Variants in BACE2 observed in about 807,000 individuals in gnomAD.
The protein encoded by BACE2 is beta-secretase 2.
Under a neutral mutation model 46.2 loss-of-function variants are expected in BACE2, and 17 were observed. The observed-to-expected ratio is 0.37, with a 90% confidence interval of 0.25 to 0.55. The LOEUF (loss-of-function observed/expected upper bound fraction) is 0.55. Ranked by LOEUF, BACE2 falls within the 20% of genes least tolerant of loss-of-function variation. The pLI is 0.82. For missense variants in BACE2, 595 were observed against 698.1 expected, an observed-to-expected ratio of 0.85 and a Z score of 1.66; for synonymous variants, 277 against 295.9, an observed-to-expected ratio of 0.94 and a Z score of 0.66.
At chr21:41,204,193 T>C (rs1015385717) in intron 1 of BACE2, among the ~76,000 whole-genome samples, 2 of 152,162 alleles carry the variant, frequency 1.3e-5, no homozygotes, top group African/African-American at 4.8e-5. Flanking sequence ...ATTTTTGTTT[T>C]TGTTTTTGTT....
intron 7 of BACE2, among the ~76,000 whole-genome samples, chr21:41,254,731 A>G (rs1481596828): frequency 6.6e-6 from 1 of 152,218 alleles, no homozygotes; most frequent in East Asian, 1.9e-4. Flanking sequence ...TGGCCGACTC[A>G]TCTTCATTTA....
At position 41,272,656 on chromosome 21, in the gene BACE2, C is replaced by T. The variant is rs139695892; in HGVS notation, c.1304-2715C>T. Among the ~76,000 whole-genome samples the T allele has an allele frequency of 2.6e-3, 398 of 152,016 alleles. 2 individuals are homozygous for T. Among genetic ancestry groups the T allele is most frequent in the African/African-American group, 8.8e-3 (366 of 41,434 alleles). ...TTTGATTTAGATCTTTAATGTCTTCCGTGTCTCTATTTAACATGTTTAACA... is the reference window on the plus strand; with the variant it reads ...TTTGATTTAGATCTTTAATGTCTTCTGTGTCTCTATTTAACATGTTTAACA... On this transcript the variant is annotated intron_variant, in intron 8 of 8. Coordinates refer to ENST00000330333, the MANE Select transcript of BACE2 (RefSeq NM_012105.5).
Position 41,259,802 on chromosome 21 carries a change from CTTTT to C in BACE2, c.1303+2477_1303+2480del, listed in dbSNP as rs58018744. On this transcript the variant is annotated intron_variant, in intron 8 of 8. Coordinates refer to ENST00000330333, the MANE Select transcript of BACE2 (RefSeq NM_012105.5). ...ATCACCTTCTGCAGTTTCTTTCTTT[CTTTT>C]GTTTTCTTTTTTTTCTTTTTTTATT... Among the ~76,000 whole-genome samples the C allele has an allele frequency of 8.5e-3, 1,286 of 151,692 alleles. 9 individuals are homozygous for C. Among genetic ancestry groups the C allele is most frequent in the African/African-American group, 0.029 (1,198 of 41,320 alleles).
intron 2 of BACE2, among the ~76,000 whole-genome samples, chr21:41,228,595 T>C (rs975755343): frequency 1.3e-5 from 2 of 152,110 alleles, no homozygotes; most frequent in African/African-American, 4.8e-5. Context: ...CAGACTTTTT[T>C]TCAACAATCG....
chr21:41,215,225 A>T (rs1309324837), intron 1 of BACE2, among the ~76,000 whole-genome samples: 2 of 152,196 alleles, frequency 1.3e-5, no homozygotes, highest in South Asian at 2.1e-4. Flanking sequence ...AGGGGGAAGG[A>T]ACAGTAGCTG....
intron 1 of BACE2, among the ~76,000 whole-genome samples, chr21:41,171,113 C>T (rs907146741): frequency 6.6e-6 from 1 of 152,202 alleles, no homozygotes. Context: ...GTTTTGGCCT[C>T]AAACTACCCT....
intron 1 of BACE2, among the ~76,000 whole-genome samples, chr21:41,198,530 T>C (rs1985822033): frequency 6.6e-6 from 1 of 152,196 alleles, no homozygotes; most frequent in African/African-American, 2.4e-5. Flanking sequence ...GCTGCCTTCT[T>C]TAATAAGCTC....
At chr21:41,266,876 G>T (rs965569125) in intron 8 of BACE2, among the ~76,000 whole-genome samples, 1 of 152,166 alleles carries the variant, frequency 6.6e-6, no homozygotes, top group East Asian at 1.9e-4. Flanking sequence ...AGCAGGAAGA[G>T]GTTCTACCTT....
Position 41,168,371 on chromosome 21 carries a change from C to T in BACE2, c.108C>T (p.Ala36=). The T allele has an allele frequency of 1.4e-6, 2 of 1,397,140 alleles. No homozygotes were observed. The highest frequency in any genetic ancestry group is 1.9e-6 in the Non-Finnish European group (2 of 1,071,992). The allele number at this position is 1,397,140 out of a possible 1,614,324, so 86.5% of individuals were successfully genotyped here. Residue 36 remains alanine (A), a synonymous_variant, in exon 1 of 9, where the codon GCC becomes GCT. Transcript: ENST00000330333. ...PAPFTLPLRV[A]AATNRVVAPT... is the part of the protein sequence containing the mutation. ...CCTTCACGCTGCCCCTCCGGGTGGC[C>T]GCGGCCACGAACCGCGTAGTTGCGC...
At chr21:41,207,431 A>G (rs1986163105) in intron 1 of BACE2, among the ~76,000 whole-genome samples, 1 of 152,202 alleles carries the variant, frequency 6.6e-6, no homozygotes, top group East Asian at 1.9e-4. Flanking sequence ...TTTCACTGGC[A>G]TCAGTGAATG....
intron 1 of BACE2, among the ~76,000 whole-genome samples, chr21:41,199,285 C>T (rs897463113): frequency 6.6e-6 from 1 of 152,082 alleles, no homozygotes; most frequent in Non-Finnish European, 1.5e-5. Context: ...GTCCCTTCCT[C>T]ATCTTCCTCC....
At position 41,245,974 on chromosome 21, in the gene BACE2, A is replaced by G. The variant is rs1253241997; in HGVS notation, c.895A>G (p.Lys299Glu). The G allele has an allele frequency of 1.9e-6, 3 of 1,609,820 alleles. No individual in the cohort carries two copies. The highest frequency in any genetic ancestry group is 2.5e-6 in the Non-Finnish European group (3 of 1,178,080). Residue 299 changes from lysine (K) to glutamate (E), a missense_variant, in exon 6 of 9, where the codon AAG (lysine) becomes GAG (glutamate). Transcript: ENST00000330333. ...NLDCREYNAD[K>E]AIVDSGTTLL... is the part of the protein sequence containing the mutation. ...CTCCCGGTTCAAGTATAACGCAGAC[A>G]AGGCCATCGTGGACAGTGGCACCAC...
At chr21:41,210,357 G>A (rs563011269) in intron 1 of BACE2, among the ~76,000 whole-genome samples, 1 of 152,248 alleles carries the variant, frequency 6.6e-6, no homozygotes, top group South Asian at 2.1e-4. Flanking sequence ...CACAACGGCT[G>A]ACCAGTACTA....
At chr21:41,190,138 G>A (rs1207950498) in intron 1 of BACE2, among the ~76,000 whole-genome samples, 1 of 152,144 alleles carries the variant, frequency 6.6e-6, no homozygotes, top group African/African-American at 2.4e-5. Context: ...GACACACCCA[G>A]GATCAATACT....
At chr21:41,181,147 C>T (rs2123497770) in intron 1 of BACE2, 1 of 167,226 alleles carries the variant, frequency 6.0e-6, no homozygotes, top group Admixed American at 6.5e-5. Flanking sequence ...AACGTTCATT[C>T]ATGTCAGTTC....
chr21:41,222,230 C>T (rs948427567), intron 1 of BACE2, among the ~76,000 whole-genome samples: 1 of 152,184 alleles, frequency 6.6e-6, no homozygotes, highest in Non-Finnish European at 1.5e-5. Flanking sequence ...CAGTGCCCAG[C>T]CCACTGCAGG....
intron 8 of BACE2, among the ~76,000 whole-genome samples, chr21:41,260,146 G>A (rs1039341497): frequency 4.0e-5 from 6 of 151,080 alleles, no homozygotes; most frequent in African/African-American, 1.5e-4. Context: ...GCCTGTCTTT[G>A]TTTTGTTTTG....
intron 6 of BACE2, among the ~76,000 whole-genome samples, chr21:41,247,363 A>G (rs1987502567): frequency 1.3e-5 from 2 of 152,364 alleles, no homozygotes; most frequent in South Asian, 4.1e-4. Flanking sequence ...AGCTGAAGCC[A>G]CGGCAGAGTC....
intron 1 of BACE2, among the ~76,000 whole-genome samples, chr21:41,199,811 G>A (rs923335288): frequency 2.0e-5 from 3 of 152,142 alleles, no homozygotes; most frequent in Non-Finnish European, 2.9e-5. Flanking sequence ...GGGGATGGCT[G>A]CCGTTGTTGT....
Sources: allele counts gnomAD v4.1 joint callset (sites outside exome capture counted in the v4.1 genomes callset), GRCh38; gene constraint gnomAD v4.1.1; transcripts MANE v1.5; gene names NCBI Gene and HGNC (gene_info 2026-07-23, HGNC 2026-07-21).